The following SYNE1 variants were observed in gnomAD, a reference collection of about 807,000 sequenced individuals.
The protein encoded by SYNE1 is nesprin-1.
Under a neutral mutation model 1,111.0 loss-of-function variants are expected in SYNE1, and 616 were observed. The ratio of observed to expected loss-of-function variants is 0.55; its 90% CI spans 0.52 to 0.59. The LOEUF (loss-of-function observed/expected upper bound fraction) is 0.59, where lower values mean the gene tolerates loss of function less well. Among genes scored for constraint, SYNE1 ranks in the 20% least tolerant of loss-of-function variants. The probability of loss-of-function intolerance (pLI) is 0.00; values close to 1 mark genes in which losing one functional copy is unlikely to be tolerated. For missense variants in SYNE1, 10,006 were observed against 10,417.0 expected (o/e 0.96, Z 1.72); for synonymous variants, 3,855 against 3,825.8 (o/e 1.01, Z -0.28).
chr6:152,540,184 C>T (rs1045956515), intron 3 of SYNE1, among the ~76,000 whole-genome samples, 163 bp from the exon 4 acceptor site: 3 of 151,890 alleles, frequency 2.0e-5, no homozygotes, highest in Non-Finnish European at 4.4e-5. Context: ...AGTCGATCTA[C>T]ATAATCATAT....
intron 14 of SYNE1, chr6:152,480,681 T>C (rs1195271730): frequency 2.2e-6 from 1 of 446,302 alleles, no homozygotes; most frequent in African/African-American, 2.0e-5. Context: ...TAGAAGTTCC[T>C]ACCTCAATGA....
intron 3 of SYNE1, among the ~76,000 whole-genome samples, chr6:152,557,885 A>G (rs2099375325): frequency 1.9e-5 from 2 of 104,542 alleles, no homozygotes; most frequent in Admixed American, 1.1e-4. Context: ...GTAAAATCTC[A>G]TTGTAAAGGT....
At chr6:152,301,679 T>C (rs1392653565) in intron 92 of SYNE1, among the ~76,000 whole-genome samples, 190 bp downstream of exon 92, 2 of 152,244 alleles carry the variant, frequency 1.3e-5, no homozygotes, top group Admixed American at 1.3e-4. Flanking sequence ...TCATTTTAAC[T>C]GTCATTGTTT....
At chr6:152,245,067 T>C (rs568611685) in intron 105 of SYNE1, among the ~76,000 whole-genome samples, 1 of 152,340 alleles carries the variant, frequency 6.6e-6, no homozygotes, top group Non-Finnish European at 1.5e-5. Flanking sequence ...TGAGCATCTT[T>C]GGAGAGAGAT....
chr6:152,547,868 T>C (rs560468877), intron 3 of SYNE1, among the ~76,000 whole-genome samples: 1 of 152,334 alleles, frequency 6.6e-6, no homozygotes, highest in South Asian at 2.1e-4. Context: ...TATGGAGGAA[T>C]AATATTCAAT....
intron 91 of SYNE1, among the ~76,000 whole-genome samples, chr6:152,306,646 C>CA (rs942567563): frequency 3.3e-5 from 5 of 150,946 alleles, no homozygotes; most frequent in African/African-American, 1.2e-4. Flanking sequence ...GAGGCTGAGG[C>CA]AGGCATATCA....
chr6:152,304,811 T>TA (rs2153821184), intron 91 of SYNE1, among the ~76,000 whole-genome samples: 1 of 152,334 alleles, frequency 6.6e-6, no homozygotes, highest in East Asian at 1.9e-4. Context: ...ATTGTTTCTT[T>TA]AAAAAATGCA....
chr6:152,318,008 T>C, intron 86 of SYNE1, 73 bp downstream of exon 86: 1 of 1,567,952 alleles, frequency 6.4e-7, no homozygotes, highest in Non-Finnish European at 8.8e-7. Context: ...TGTTAATTTA[T>C]TTTCAAAAGA....
At chr6:152,530,724 C>T (rs1473442943) in intron 4 of SYNE1, among the ~76,000 whole-genome samples, 3 of 151,614 alleles carry the variant, frequency 2.0e-5, no homozygotes, top group African/African-American at 7.3e-5. Flanking sequence ...CGGGTTCATG[C>T]CATTGTCCTG....
intron 81 of SYNE1, among the ~76,000 whole-genome samples, chr6:152,324,288 A>T (rs2095980331): frequency 6.6e-6 from 1 of 151,992 alleles, no homozygotes; most frequent in Admixed American, 6.6e-5. Context: ...AATCCCAGCT[A>T]CTCATGAGGG....
At chr6:152,276,385 A>G (rs765582942) in intron 98 of SYNE1, among the ~76,000 whole-genome samples, 1 of 152,062 alleles carries the variant, frequency 6.6e-6, no homozygotes, top group South Asian at 2.1e-4. Flanking sequence ...ATGCTTTTCA[A>G]TGACCTAACT....
chr6:152,636,133 T>A (rs905994255), intron 2 of SYNE1, among the ~76,000 whole-genome samples: 3 of 152,202 alleles, frequency 2.0e-5, no homozygotes, highest in African/African-American at 7.2e-5. Flanking sequence ...GGGAAGCAAC[T>A]GCACCATGAC....
At chr6:152,629,298 G>A (rs1565297212) in intron 2 of SYNE1, among the ~76,000 whole-genome samples, 1 of 151,780 alleles carries the variant, frequency 6.6e-6, no homozygotes, top group South Asian at 2.1e-4. Flanking sequence ...TCCACTTCCC[G>A]GGTTCAAGCA....
Position 152,310,026 on chromosome 6 carries a change from G to T in SYNE1, c.17020-9C>A, listed in dbSNP as rs2153836238. ...ATCTCAGACAACAAATGCTGAAAAT[G>T]CAATTTCATAGTTCAAAAATTTAAT... On this transcript the variant is annotated splice_polypyrimidine_tract_variant and intron_variant, in intron 89 of 145. Transcript: ENST00000367255. 6.2e-7 allele frequency: 1 copy of T among 1,612,582 alleles called. No individual in the cohort carries two copies. Among genetic ancestry groups the T allele is most frequent in the Admixed American group, 1.7e-5 (1 of 59,972 alleles).
At chr6:152,189,107 G>A (rs2071430094) in intron 128 of SYNE1, 145 bp downstream of exon 128, 1 of 777,268 alleles carries the variant, frequency 1.3e-6, no homozygotes, top group African/African-American at 1.7e-5. Flanking sequence ...GATCTGAAAT[G>A]TTCTGGTAGT....
In SYNE1 at chr6:152,225,717, T is replaced by C. The variant is rs2081431126; in HGVS notation, c.21351+4A>G. Reference sequence around the variant, plus strand: ...TGGAGCTGGCTTTCTGTGAGCAATATTACCATGTGATCTAAATTTGCCCAG... The same window carrying C: ...TGGAGCTGGCTTTCTGTGAGCAATACTACCATGTGATCTAAATTTGCCCAG... On this transcript the variant is annotated splice_donor_region_variant and intron_variant, in intron 116 of 145. Transcript: ENST00000367255. 5.0e-6 allele frequency: 8 copies of C among 1,614,106 alleles called. No individual in the cohort carries two copies. In the East Asian group the frequency reaches 1.8e-4, roughly 36 times the overall value.
intron 91 of SYNE1, among the ~76,000 whole-genome samples, chr6:152,302,596 A>AT (rs2095236256): frequency 6.6e-6 from 1 of 152,008 alleles, no homozygotes; most frequent in Non-Finnish European, 1.5e-5. Flanking sequence ...GTCTCTAAGA[A>AT]TTTTTTTTAG....
Position 152,249,401 on chromosome 6 carries a change from A to G in SYNE1, c.19471-139T>C, listed in dbSNP as rs2088424147. ...GGAGAAACAATACTGTGCTATGGGA[A>G]GGTAAAAGGAACTGGTAACAATTTA... On this transcript the variant is annotated intron_variant, in intron 104 of 145. Coordinates refer to ENST00000367255, the MANE Select transcript of SYNE1 (RefSeq NM_182961.4). The G allele has an allele frequency of 7.2e-6, 5 of 694,026 alleles. No homozygotes were observed. In the East Asian group the frequency reaches 1.4e-4, roughly 19 times the overall value. The allele number at this position is 694,026 out of a possible 1,614,324, so 43.0% of individuals were successfully genotyped here. A position where few individuals can be genotyped will look rare whatever the true frequency, so the allele number is the denominator to read the frequency against.
chr6:152,328,508 C>A (rs1009618007), intron 78 of SYNE1, among the ~76,000 whole-genome samples: 2 of 151,614 alleles, frequency 1.3e-5, no homozygotes, highest in Admixed American at 1.3e-4. Context: ...TGGGTTTAAG[C>A]GATTTTACTG....
Sources: gnomAD v4.1 joint callset for allele counts (sites outside exome capture counted in the v4.1 genomes callset) on GRCh38, gnomAD v4.1.1 for gene constraint, MANE v1.5 for transcripts, NCBI Gene and HGNC (gene_info 2026-07-23, HGNC 2026-07-21) for gene names.